The following SP100 variants were observed in gnomAD, a reference collection of about 807,000 sequenced individuals.
SP100 encodes the protein nuclear autoantigen Sp-100.
In SP100, 84 loss-of-function variants were observed where a neutral mutation model predicts 130.0. The ratio of observed to expected loss-of-function variants is 0.65; its 90% CI spans 0.54 to 0.77. The LOEUF is 0.77. Ranked by LOEUF, SP100 falls within the 30% of genes least tolerant of loss-of-function variation. The pLI is 0.00. For missense variants in SP100, 978 were observed against 1,052.2 expected (o/e 0.93, Z 0.97); for synonymous variants, 331 against 351.7 (o/e 0.94, Z 0.66).
Position 230,494,453 on chromosome 2 carries a change from C to T in SP100, c.1638C>T (p.Leu546=). ...GGCATAGATCTAAAGTAAATGGTCT[C>T]CAAAGAGGTAAGAAGAAATGTGGGG... ...KRRHRSKVNG[L]QRGRKKDRPR... is the part of the protein sequence containing the mutation. The change falls in exon 18 of 29, where the codon CTC becomes CTT. Residue 546 remains leucine (L), a synonymous_variant. Transcript: ENST00000340126. The T allele has an allele frequency of 6.2e-7, 1 of 1,607,660 alleles. No individual in the cohort carries two copies. Among genetic ancestry groups the T allele is most frequent in the South Asian group, 1.1e-5 (1 of 90,912 alleles).
chr2:230,422,038 A>G (rs978342209), intron 2 of SP100, among the ~76,000 whole-genome samples: 1 of 151,710 alleles, frequency 6.6e-6, no homozygotes, highest in African/African-American at 2.4e-5. Flanking sequence ...TTTCTTGAAA[A>G]TCTTATATGT....
At chr2:230,538,219 A>G (rs1226923010) in intron 24 of SP100, 1 of 152,206 alleles carries the variant, frequency 6.6e-6, no homozygotes, top group African/African-American at 2.4e-5. Context: ...AAAAATTCTT[A>G]CTAAAAAGGT....
intron 24 of SP100, among the ~76,000 whole-genome samples, chr2:230,516,844 G>C (rs1327176860): frequency 2.6e-5 from 4 of 152,128 alleles, no homozygotes; most frequent in Non-Finnish European, 4.4e-5. Context: ...ATTACCTGCA[G>C]CATTTTAAGA....
chr2:230,466,242 T>C (rs2064950627), intron 11 of SP100, 59 bp from the exon 12 acceptor site: 1 of 930,154 alleles, frequency 1.1e-6, no homozygotes. Context: ...ATGTCAGTTG[T>C]CATAGAATTT....
At position 230,436,925 on chromosome 2, in the gene SP100, C is replaced by CGCATAT. The variant is rs1245547234; in HGVS notation, c.108-6012_108-6011insGCATAT. 1.9e-3 allele frequency among the ~76,000 whole-genome samples: 167 copies of CGCATAT among 88,538 alleles called. 2 individuals are homozygous for CGCATAT. The highest frequency in any genetic ancestry group is 7.7e-3 in the African/African-American group (160 of 20,766). The allele number at this position is 88,538 out of a possible 152,430, so 58.1% of individuals were successfully genotyped here. ...ACACACGCATATATGTGTATACACA[C>CGCATAT]AAGTGTATACACACACGCATATATG... On this transcript the variant is annotated intron_variant, in intron 2 of 28. Coordinates refer to ENST00000340126, the MANE Select transcript of SP100 (RefSeq NM_001080391.2).
intron 24 of SP100, chr2:230,539,025 T>C (rs994479803): frequency 1.8e-5 from 6 of 336,624 alleles, no homozygotes; most frequent in Middle Eastern, 9.0e-4. Context: ...CATCCTATTT[T>C]TGTCACTAGT....
intron 24 of SP100, chr2:230,520,737 A>T (rs1691135104): frequency 6.6e-6 from 1 of 152,236 alleles, no homozygotes; most frequent in South Asian, 2.1e-4. Context: ...TCAACCCAAG[A>T]AAACACACCA....
At chr2:230,534,552 C>T (rs1293861233) in intron 24 of SP100, among the ~76,000 whole-genome samples, 1 of 152,150 alleles carries the variant, frequency 6.6e-6, no homozygotes, top group Non-Finnish European at 1.5e-5. Flanking sequence ...CCTTTTTGAC[C>T]TCAAACTAAC....
chr2:230,445,489 A>T (rs2063668932), intron 4 of SP100, among the ~76,000 whole-genome samples: 1 of 152,248 alleles, frequency 6.6e-6, no homozygotes, highest in Non-Finnish European at 1.5e-5. Context: ...AAGGAATTTG[A>T]AGTTTACTCG....
Position 230,449,588 on chromosome 2 carries a change from C to T in SP100, c.614C>T (p.Ser205Leu). The change falls in exon 7 of 29, where the codon TCA (serine) becomes TTA (leucine). Residue 205 changes from serine to leucine, a missense_variant. By Grantham distance (145) the Ser-to-Leu change is moderately radical. Transcript: ENST00000340126. ...ACAACCCCACCTGAAAATGGACTCT[C>T]AGAGCACCCCTGTGAAACAGAACAG... ...AGTTPPENGL[S>L]EHPCETEQIN... The T allele has an allele frequency of 6.2e-7, 1 of 1,614,100 alleles. No individual in the cohort carries two copies.
intron 6 of SP100, 195 bp from the exon 7 acceptor site, chr2:230,449,366 G>C: frequency 1.3e-6 from 1 of 787,572 alleles, no homozygotes; most frequent in Non-Finnish European, 2.2e-6. Flanking sequence ...CTTGCTGCTG[G>C]TTCCTGCTGC....
intron 2 of SP100, among the ~76,000 whole-genome samples, chr2:230,422,198 G>T (rs563613636): frequency 6.6e-6 from 1 of 152,056 alleles, no homozygotes; most frequent in Admixed American, 6.5e-5. Flanking sequence ...CAAGAAATCC[G>T]AAATTTTCTC....
intron 5 of SP100, 146 bp from the exon 6 acceptor site, chr2:230,448,942 G>A: frequency 1.5e-6 from 1 of 672,276 alleles, no homozygotes; most frequent in Non-Finnish European, 2.7e-6. Context: ...TAATTAGGTA[G>A]CATCTGCCAG....
intron 17 of SP100, among the ~76,000 whole-genome samples, chr2:230,486,949 T>C (rs567775640): frequency 5.0e-4 from 76 of 152,386 alleles, no homozygotes; most frequent in Middle Eastern, 3.4e-3. Flanking sequence ...CTTGTTTTCA[T>C]GTTCATTGGC....
Position 230,535,328 on chromosome 2 carries a change from G to A in SP100, c.2095-3939G>A, listed in dbSNP as rs544380368. On this transcript the variant is annotated intron_variant, in intron 24 of 28. Transcript: ENST00000340126. Reference sequence around the variant, plus strand: ...TTTCATTAGATTAGAGAGAGAAAACGTCCAAGAAACTAACTGAAAAACTGA... The same window carrying A: ...TTTCATTAGATTAGAGAGAGAAAACATCCAAGAAACTAACTGAAAAACTGA... Among the ~76,000 whole-genome samples the A allele has an allele frequency of 5.3e-5, 8 of 152,226 alleles. No homozygotes were observed. The East Asian group carries it at 5.8e-4, about 11-fold the overall frequency.
chr2:230,480,181 T>C (rs1226337352), intron 17 of SP100, among the ~76,000 whole-genome samples: 1 of 152,228 alleles, frequency 6.6e-6, no homozygotes, highest in Non-Finnish European at 1.5e-5. Flanking sequence ...AGCAAGGACT[T>C]TGTTTTATTC....
At chr2:230,465,003 G>A (rs898707583) in intron 11 of SP100, among the ~76,000 whole-genome samples, 5 of 152,014 alleles carry the variant, frequency 3.3e-5, no homozygotes, top group South Asian at 2.1e-4. Flanking sequence ...TTTGGGAGGC[G>A]GGGGCAGGCA....
intron 2 of SP100, among the ~76,000 whole-genome samples, chr2:230,425,767 C>T (rs1373882197): frequency 1.3e-5 from 2 of 151,004 alleles, no homozygotes; most frequent in Admixed American, 6.6e-5. Flanking sequence ...AGGTAATGCT[C>T]ATAAAATTAG....
intron 2 of SP100, among the ~76,000 whole-genome samples, chr2:230,426,531 A>ATG: frequency 8.2e-6 from 1 of 122,108 alleles, no homozygotes; most frequent in South Asian, 2.4e-4. Context: ...CTTACATTAT[A>ATG]TATTCCGTAC....
Sources: gnomAD v4.1 joint callset for allele counts (sites outside exome capture counted in the v4.1 genomes callset) on GRCh38, gnomAD v4.1.1 for gene constraint, MANE v1.5 for transcripts, NCBI Gene and HGNC (gene_info 2026-07-23, HGNC 2026-07-21) for gene names.